Variants in HYDIN observed in about 807,000 individuals in gnomAD.
HYDIN encodes the protein HYDIN axonemal central pair apparatus protein.
Under a neutral mutation model 403.9 loss-of-function variants are expected in HYDIN, and 132 were observed. The observed-to-expected ratio is 0.33, with a 90% CI of 0.28 to 0.38. HYDIN has a LOEUF of 0.38. Ranked by LOEUF, HYDIN falls within the 10% of genes least tolerant of loss-of-function variation. The probability of loss-of-function intolerance (pLI) is 1.00; values close to 1 mark genes in which losing one functional copy is unlikely to be tolerated. For missense variants in HYDIN, 2,827 were observed against 5,009.5 expected, an observed-to-expected ratio of 0.56 and a Z score of 13.15; for synonymous variants, 1,202 against 1,891.7, an observed-to-expected ratio of 0.64 and a Z score of 9.46.
At chr16:71,199,197 G>A (rs953598075) in intron 1 of HYDIN, among the ~76,000 whole-genome samples, 3 of 152,134 alleles carry the variant, frequency 2.0e-5, no homozygotes, top group Non-Finnish European at 2.9e-5. Context: ...TTTTCTTACT[G>A]ATGTGCAGAA....
chr16:70,929,423 AG>A (rs2077248054), intron 45 of HYDIN, among the ~76,000 whole-genome samples: 2 of 150,318 alleles, frequency 1.3e-5, no homozygotes, highest in African/African-American at 4.9e-5. Context: ...AGACTGGAGC[AG>A]GAAGGGAACT....
intron 36 of HYDIN, among the ~76,000 whole-genome samples, chr16:70,965,609 A>G (rs2078549197): frequency 1.3e-5 from 2 of 152,236 alleles, no homozygotes; most frequent in South Asian, 4.1e-4. Flanking sequence ...TAAGTTTTAA[A>G]AAGCATTTAC....
intron 62 of HYDIN, among the ~76,000 whole-genome samples, chr16:70,875,328 A>C (rs991205320): frequency 1.3e-5 from 2 of 152,074 alleles, no homozygotes; most frequent in African/African-American, 4.8e-5. Flanking sequence ...AGTATCTCCT[A>C]GGTGCTATGC....
intron 18 of HYDIN, among the ~76,000 whole-genome samples, chr16:71,056,201 C>A (rs1206225787): frequency 1.4e-5 from 2 of 147,246 alleles, no homozygotes; most frequent in African/African-American, 5.0e-5. Context: ...AGTCAGCCTG[C>A]TGGGAACTGT....
chr16:70,956,543 C>T (rs1442047384), intron 39 of HYDIN, among the ~76,000 whole-genome samples: 1 of 152,124 alleles, frequency 6.6e-6, no homozygotes, highest in Non-Finnish European at 1.5e-5. Context: ...TCCAACCGGG[C>T]ACAATGGGTC....
At chr16:70,907,203 G>C (rs568410463) in intron 50 of HYDIN, among the ~76,000 whole-genome samples, 169 bp downstream of exon 50, 6 of 152,266 alleles carry the variant, frequency 3.9e-5, no homozygotes, top group Admixed American at 3.3e-4. Flanking sequence ...TCCTCTGGGT[G>C]TCCAGCAGGG....
chr16:70,811,468 G>C (rs1171717443), intron 84 of HYDIN: 3 of 151,874 alleles, frequency 2.0e-5, no homozygotes, highest in South Asian at 4.2e-4. Flanking sequence ...AAAAATATCA[G>C]AATAAAAAGA....
intron 5 of HYDIN, among the ~76,000 whole-genome samples, chr16:71,165,240 C>A (rs986940298): frequency 6.6e-6 from 1 of 151,390 alleles, no homozygotes; most frequent in Non-Finnish European, 1.5e-5. Flanking sequence ...GCCACATCTC[C>A]TCCTCTCCCC....
At chr16:71,111,536 G>A (rs998870032) in intron 10 of HYDIN, among the ~76,000 whole-genome samples, 2 of 150,870 alleles carry the variant, frequency 1.3e-5, no homozygotes, top group African/African-American at 4.9e-5. Context: ...TGTATAAAAG[G>A]GAAAATTGCC....
At chr16:71,114,343 A>G (rs892541438) in intron 10 of HYDIN, among the ~76,000 whole-genome samples, 23 of 147,454 alleles carry the variant, frequency 1.6e-4, no homozygotes, top group Admixed American at 2.7e-4. Flanking sequence ...TTGATTCTTG[A>G]CTCATTCCAA....
chr16:71,200,434 T>A (rs913660994), intron 1 of HYDIN, among the ~76,000 whole-genome samples: 1 of 152,200 alleles, frequency 6.6e-6, no homozygotes, highest in South Asian at 2.1e-4. Flanking sequence ...ACTGAGAGCA[T>A]GGCTTAGGTT....
intron 1 of HYDIN, among the ~76,000 whole-genome samples, chr16:71,203,291 G>A (rs1002748432): frequency 9.2e-5 from 14 of 152,062 alleles, no homozygotes; most frequent in African/African-American, 2.4e-4. Flanking sequence ...CTAACTAAAC[G>A]GACTAATAAA....
chr16:70,826,363 A>G (rs1335361247), intron 83 of HYDIN, among the ~76,000 whole-genome samples: 1 of 151,552 alleles, frequency 6.6e-6, no homozygotes, highest in Non-Finnish European at 1.5e-5. Flanking sequence ...TTTTCTAAAT[A>G]TTTTATTTTT....
chr16:71,092,250 T>A (rs2083130423), intron 11 of HYDIN, among the ~76,000 whole-genome samples: 1 of 152,156 alleles, frequency 6.6e-6, no homozygotes, highest in African/African-American at 2.4e-5. Context: ...CTACCATCTA[T>A]AAAAATATCA....
rs556138749 is a variant in HYDIN, at chr16:70,879,287, C to T, written c.10557+10G>A. On this transcript the variant is annotated intron_variant, in intron 62 of 85. Transcript: ENST00000393567. ...CCCTTTCAGCCTCATGCTTCACCCT[C>T]GAGTATTACCTGGGCAGGGAGGACA... The T allele has an allele frequency of 2.2e-5, 26 of 1,159,824 alleles. No homozygotes were observed. The highest frequency in any genetic ancestry group is 2.2e-4 in the African/African-American group (14 of 63,680). The allele number at this position is 1,159,824 out of a possible 1,614,324, so 71.8% of individuals were successfully genotyped here.
chr16:71,175,628 G>C lies in HYDIN; in HGVS notation c.495C>G (p.Leu165=). 6.2e-7 allele frequency: 1 copy of C among 1,614,188 alleles called. No individual in the cohort carries two copies. The highest frequency in any genetic ancestry group is 8.5e-7 in the Non-Finnish European group (1 of 1,180,018). The change falls in exon 5 of 86, where the codon CTC becomes CTG. Residue 165 remains leucine (L), a synonymous_variant. Transcript: ENST00000393567. ...APGVPSIFRI[L]FTPEENKDYA... is the part of the protein sequence containing the mutation. ...TTACCTTGTTCTCCTCTGGAGTAAA[G>C]AGGATTCGGAATATGGAAGGCACTC...
chr16:71,171,516 A>C (rs2144628972), intron 5 of HYDIN, among the ~76,000 whole-genome samples: 1 of 152,362 alleles, frequency 6.6e-6, no homozygotes, highest in Middle Eastern at 3.4e-3. Flanking sequence ...AAATGAAATA[A>C]TATTATTCAT....
At chr16:71,172,285 C>A (rs1427658671) in intron 5 of HYDIN, among the ~76,000 whole-genome samples, 2 of 152,158 alleles carry the variant, frequency 1.3e-5, no homozygotes, top group Non-Finnish European at 2.9e-5. Flanking sequence ...CGTATGACAA[C>A]ACATTGCAAA....
chr16:70,893,213 C>T (rs1424980111), intron 55 of HYDIN, among the ~76,000 whole-genome samples: 2 of 152,212 alleles, frequency 1.3e-5, no homozygotes, highest in Non-Finnish European at 2.9e-5. Context: ...CTGTTCCAAC[C>T]TGAGAGTGAC....
Sources: gnomAD v4.1 joint callset for allele counts (sites outside exome capture counted in the v4.1 genomes callset) on GRCh38, gnomAD v4.1.1 for gene constraint, MANE v1.5 for transcripts, NCBI Gene and HGNC (gene_info 2026-07-23, HGNC 2026-07-21) for gene names.